SNTG1: variants seen among roughly 807,000 people sequenced by gnomAD.
SNTG1 encodes gamma-1-syntrophin.
In SNTG1, 39 loss-of-function variants were observed where a neutral mutation model predicts 74.7. That is an observed-to-expected ratio of 0.52 (90% confidence interval 0.40 to 0.68). The LOEUF is 0.68. SNTG1 is among the 30% of genes least tolerant of loss of function. The pLI is 0.00. For synonymous variants in SNTG1, 254 were observed against 217.1 expected, an observed-to-expected ratio of 1.17 and a Z score of -1.49; for missense variants, 685 against 609.5, an observed-to-expected ratio of 1.12 and a Z score of -1.30.
chr8:50,431,518 G>A (rs1385076889), intron 4 of SNTG1, among the ~76,000 whole-genome samples: 1 of 152,156 alleles, frequency 6.6e-6, no homozygotes, highest in Non-Finnish European at 1.5e-5. Context: ...TCTGCATGCA[G>A]ATTTTTGTAT....
intron 2 of SNTG1, among the ~76,000 whole-genome samples, chr8:50,316,274 TCA>T (rs2090316176): frequency 6.6e-6 from 1 of 152,168 alleles, no homozygotes; most frequent in Non-Finnish European, 1.5e-5. Context: ...AAAAAAAGTT[TCA>T]GTTTGATCAT....
chr8:50,341,709 T>A (rs2091323414), intron 2 of SNTG1, among the ~76,000 whole-genome samples: 3 of 152,076 alleles, frequency 2.0e-5, no homozygotes, highest in African/African-American at 7.2e-5. Context: ...GGGCAACTAA[T>A]ATTAGTAGGG....
chr8:50,711,298 C>G (rs1196920747), intron 17 of SNTG1, among the ~76,000 whole-genome samples: 2 of 152,028 alleles, frequency 1.3e-5, no homozygotes, highest in Non-Finnish European at 2.9e-5. Flanking sequence ...ATCTTTAAGA[C>G]TATATGTCCA....
At chr8:50,246,565 C>T (rs1447299361) in intron 2 of SNTG1, among the ~76,000 whole-genome samples, 2 of 150,564 alleles carry the variant, frequency 1.3e-5, no homozygotes, top group African/African-American at 4.9e-5. Flanking sequence ...AAATCAGGGT[C>T]GTAAGGTGGA....
chr8:49,987,327 A>G (rs1813257588), intron 1 of SNTG1, among the ~76,000 whole-genome samples: 1 of 152,214 alleles, frequency 6.6e-6, no homozygotes, highest in Non-Finnish European at 1.5e-5. Context: ...ATGTGAAACA[A>G]CCATAAAAAT....
chr8:50,723,972 G>A (rs894525034), intron 17 of SNTG1, among the ~76,000 whole-genome samples: 1 of 152,132 alleles, frequency 6.6e-6, no homozygotes, highest in African/African-American at 2.4e-5. Context: ...TAAATCAGAG[G>A]CATGAAAGGG....
chr8:50,205,859 T>C (rs1237509543), intron 2 of SNTG1, among the ~76,000 whole-genome samples: 2 of 152,198 alleles, frequency 1.3e-5, no homozygotes. Flanking sequence ...GTCAGGTTTG[T>C]CAAAGATCAG....
At chr8:50,166,848 A>G (rs967790750) in intron 1 of SNTG1, among the ~76,000 whole-genome samples, 2 of 151,422 alleles carry the variant, frequency 1.3e-5, no homozygotes, top group South Asian at 2.1e-4. Flanking sequence ...CATTATTCAC[A>G]ATAGCAGCGA....
chr8:50,119,491 C>A (rs1311901471), intron 1 of SNTG1, among the ~76,000 whole-genome samples: 1 of 141,092 alleles, frequency 7.1e-6, no homozygotes, highest in Non-Finnish European at 1.6e-5. Flanking sequence ...CACCAAGAAA[C>A]AAAATGATGT....
chr8:50,728,911 T>A (rs2095506361), intron 17 of SNTG1, among the ~76,000 whole-genome samples: 2 of 152,216 alleles, frequency 1.3e-5, no homozygotes, highest in African/African-American at 2.4e-5. Context: ...GATACCCAGA[T>A]GCACTGTCCA....
intron 2 of SNTG1, among the ~76,000 whole-genome samples, chr8:50,392,946 C>T (rs1426179850): frequency 6.6e-6 from 1 of 151,992 alleles, no homozygotes; most frequent in African/African-American, 2.4e-5. Flanking sequence ...AAATTGATTC[C>T]AGACATCTCT....
rs570576558 is a variant in SNTG1, at chr8:50,314,268, C to T, written c.-27-79944C>T. On this transcript the variant is annotated intron_variant, in intron 2 of 18. Coordinates refer to ENST00000642720, the MANE Select transcript of SNTG1 (RefSeq NM_018967.5). ...TATATGTCTTGTTTTTTTTTAATTC[C>T]CTGGCTCATTTAAAGTTTTCCTTTT... is the stretch of plus-strand genomic sequence containing the variant. Among the ~76,000 whole-genome samples, 30 of 148,482 alleles carry T rather than the reference C, an allele frequency of 2.0e-4. 7 individuals are homozygous for T. The highest frequency in any genetic ancestry group is 7.0e-4 in the African/African-American group (28 of 39,732).
chr8:50,153,859 A>G (rs768069299), intron 1 of SNTG1, among the ~76,000 whole-genome samples: 19 of 152,240 alleles, frequency 1.2e-4, no homozygotes, highest in South Asian at 2.1e-4. Context: ...TCAGGGACCC[A>G]CTTGAGGAGG....
chr8:50,078,324 A>G (rs1822089299), intron 1 of SNTG1, among the ~76,000 whole-genome samples: 1 of 152,158 alleles, frequency 6.6e-6, no homozygotes, highest in African/African-American at 2.4e-5. Context: ...TTAGGCTTTT[A>G]TAGAGATTCC....
chr8:50,711,691 G>A (rs1040623480), intron 17 of SNTG1, among the ~76,000 whole-genome samples: 4 of 152,112 alleles, frequency 2.6e-5, no homozygotes, highest in African/African-American at 7.2e-5. Context: ...CAGAGTAAAC[G>A]ATTACCCTTG....
At chr8:50,444,627 G>GTA (rs1368799173) in intron 5 of SNTG1, among the ~76,000 whole-genome samples, 1 of 151,984 alleles carries the variant, frequency 6.6e-6, no homozygotes, top group East Asian at 1.9e-4. Context: ...GCACACACCT[G>GTA]TAGTCCCAGC....
intron 2 of SNTG1, among the ~76,000 whole-genome samples, chr8:50,350,307 G>A (rs11989642): frequency 0.065 from 9,961 of 152,228 alleles, 354 homozygotes; most frequent in African/African-American, 0.072. Context: ...GAGTGTGGGC[G>A]CACTGCAGGG....
At chr8:50,246,847 A>G (rs925340569) in intron 2 of SNTG1, among the ~76,000 whole-genome samples, 1 of 152,154 alleles carries the variant, frequency 6.6e-6, no homozygotes, top group Non-Finnish European at 1.5e-5. Flanking sequence ...TGACTAAACT[A>G]CTTCAACCTC....
intron 4 of SNTG1, among the ~76,000 whole-genome samples, chr8:50,406,855 A>G (rs535114421): frequency 7.9e-5 from 12 of 152,072 alleles, no homozygotes; most frequent in African/African-American, 2.9e-4. Flanking sequence ...TTCTTACCTG[A>G]AAGTACTTCC....
Sources: gnomAD v4.1 joint callset for allele counts (sites outside exome capture counted in the v4.1 genomes callset) on GRCh38, gnomAD v4.1.1 for gene constraint, MANE v1.5 for transcripts, NCBI Gene and HGNC (gene_info 2026-07-23, HGNC 2026-07-21) for gene names.